MYT1: variants seen among roughly 807,000 people sequenced by gnomAD.
The protein encoded by MYT1 is myelin transcription factor 1.
Under a neutral mutation model 123.0 loss-of-function variants are expected in MYT1, and 23 were observed. The observed-to-expected ratio is 0.19, with a 90% confidence interval of 0.13 to 0.26. The LOEUF is 0.26. MYT1 is among the 10% of genes least tolerant of loss of function. The probability of loss-of-function intolerance (pLI) is 1.00; values close to 1 mark genes in which losing one functional copy is unlikely to be tolerated. For synonymous variants in MYT1, 518 were observed against 575.3 expected (o/e 0.90, Z 1.43); for missense variants, 1,125 against 1,472.5 (o/e 0.76, Z 3.86).
intron 14 of MYT1, among the ~76,000 whole-genome samples, chr20:64,222,696 T>A (rs565919530): frequency 6.6e-6 from 1 of 152,132 alleles, no homozygotes; most frequent in Non-Finnish European, 1.5e-5. Context: ...ATTTCTGGGG[T>A]CCCTCTTCTC....
At chr20:64,194,079 C>T (rs1412521381) in intron 2 of MYT1, among the ~76,000 whole-genome samples, 1 of 152,132 alleles carries the variant, frequency 6.6e-6, no homozygotes, top group Non-Finnish European at 1.5e-5. Context: ...CTGACTGTCC[C>T]CATTTATTCA....
rs1037648050 is a variant in MYT1, at chr20:64,203,879, C to A, written c.87-1156C>A. 2.0e-5 allele frequency among the ~76,000 whole-genome samples: 3 copies of A among 152,252 alleles called. No individual in the cohort carries two copies. The highest frequency in any genetic ancestry group is 7.2e-5 in the African/African-American group (3 of 41,466). On this transcript the variant is annotated intron_variant, in intron 4 of 22. Transcript: ENST00000328439. The surrounding 1 kb of genome is among the most constrained non-coding windows in gnomAD (Gnocchi z 5.1). ...TGGGGGCACCAGCCCTTACCTTCCT[C>A]CCTTCACAGGCTCCGGAAGATGTGC...
chr20:64,178,038 A>T (rs1452145265), intron 1 of MYT1, among the ~76,000 whole-genome samples: 2 of 152,162 alleles, frequency 1.3e-5, no homozygotes, highest in Non-Finnish European at 2.9e-5. Context: ...CCTGGGACAG[A>T]GGGAGGTGGA....
Position 64,167,694 on chromosome 20 carries a change from G to C in MYT1, c.-99+2955G>C, listed in dbSNP as rs1982123454. Among the ~76,000 whole-genome samples, 1 of 152,186 alleles carries C rather than the reference G, an allele frequency of 6.6e-6. No individual in the cohort carries two copies. The highest frequency in any genetic ancestry group is 2.4e-5 in the African/African-American group (1 of 41,446). On this transcript the variant is annotated intron_variant, in intron 1 of 22. Coordinates refer to ENST00000328439, the MANE Select transcript of MYT1 (RefSeq NM_004535.3). This position sits in a 1 kb window ranked among gnomAD's most constrained non-coding sequence, Gnocchi z 6.3. ...GAACCTGGGCGGGAGAGTGGAGCAGGGTGCCCGCAGGGGCTGGGGGGGCTC... is the reference window on the plus strand; with the variant it reads ...GAACCTGGGCGGGAGAGTGGAGCAGCGTGCCCGCAGGGGCTGGGGGGGCTC...
Position 64,218,854 on chromosome 20 carries a change from C to G in MYT1, c.1847-57C>G. On this transcript the variant is annotated intron_variant, in intron 11 of 22. Transcript: ENST00000328439. This position sits in a 1 kb window ranked among gnomAD's most constrained non-coding sequence, Gnocchi z 4.0. ...GCCAAACCTTTCCCAAAGGCCTCTTCCCCCAGGCACAGCCCCTCCAGTAGT... is the reference window on the plus strand; with the variant it reads ...GCCAAACCTTTCCCAAAGGCCTCTTGCCCCAGGCACAGCCCCTCCAGTAGT... 6.2e-7 allele frequency: 1 copy of G among 1,610,086 alleles called. No individual in the cohort carries two copies.
chr20:64,207,090 A>G (rs2983457), intron 6 of MYT1, among the ~76,000 whole-genome samples: 65,044 of 151,990 alleles, frequency 0.43, 14,509 homozygotes, highest in Middle Eastern at 0.49. Flanking sequence ...CGCCATGTTG[A>G]CCAGGCTGGT....
intron 22 of MYT1, 85 bp downstream of exon 22, chr20:64,239,988 C>T: frequency 6.4e-7 from 1 of 1,552,930 alleles, no homozygotes; most frequent in Non-Finnish European, 8.7e-7. Context: ...CTCCCACCCC[C>T]TCTGCCTCTG....
chr20:64,211,124 G>C, intron 7 of MYT1, 82 bp from the exon 8 acceptor site: 1 of 1,476,006 alleles, frequency 6.8e-7, no homozygotes, highest in Admixed American at 1.9e-5. Flanking sequence ...CAGCCAGAGA[G>C]AGGGTTCCTG....
intron 7 of MYT1, 39 bp from the exon 8 acceptor site, chr20:64,211,167 A>C: frequency 1.3e-6 from 2 of 1,589,480 alleles, no homozygotes; most frequent in South Asian, 2.3e-5. Context: ...CTCACCACCC[A>C]GCTTCCTGGC....
chr20:64,184,032 C>T (rs1228107407), intron 1 of MYT1, among the ~76,000 whole-genome samples: 1 of 152,144 alleles, frequency 6.6e-6, no homozygotes, highest in Non-Finnish European at 1.5e-5. Context: ...GCTGGCCAGG[C>T]TGGTCTCGAA....
chr20:64,210,745 A>G (rs1983642260), intron 7 of MYT1, among the ~76,000 whole-genome samples: 1 of 152,250 alleles, frequency 6.6e-6, no homozygotes, highest in Non-Finnish European at 1.5e-5. Context: ...ATTTGGGTTT[A>G]CATTTCTGCC....
Position 64,208,013 on chromosome 20 carries a change from G to A in MYT1, c.817G>A (p.Glu273Lys), listed in dbSNP as rs1165077147. The A allele has an allele frequency of 3.1e-6, 5 of 1,599,216 alleles. No individual in the cohort carries two copies. The highest frequency in any genetic ancestry group is 3.4e-6 in the Non-Finnish European group (4 of 1,173,502). The change falls in exon 7 of 23, where the codon GAG (glutamate) becomes AAG (lysine). Residue 273 changes from glutamate (E) to lysine (K), a missense_variant. Glu to Lys is a moderately conservative substitution (Grantham distance 56). This residue lies in a region of MYT1 where 406 missense variants were observed against 432.2 expected (regional missense o/e 0.94). Transcript: ENST00000328439. The surrounding 1 kb of genome is among the most constrained non-coding windows in gnomAD (Gnocchi z 5.4). ...EEEEEEEEEEEDEEEEEEEEE... is the reference protein window; with the variant it reads ...EEEEEEEEEEKDEEEEEEEEE... ...GGAGGAGGAGGAAGAGGAGGAGGAG[G>A]AGGATGAAGAAGAGGAAGAGGAAGA...
Position 64,223,273 on chromosome 20 carries a change from C to T in MYT1, c.2460-18C>T, listed in dbSNP as rs758758148. 3.1e-6 allele frequency: 5 copies of T among 1,613,976 alleles called. No homozygotes were observed. Among genetic ancestry groups the T allele is most frequent in the Non-Finnish European group, 4.2e-6 (5 of 1,179,958 alleles). ...TCCCTCTTTGGCTTACCCCAATATC[C>T]CATCTCTTCTCTTTCAGCCTCTCTG... On this transcript the variant is annotated intron_variant, in intron 15 of 22. Coordinates refer to ENST00000328439, the MANE Select transcript of MYT1 (RefSeq NM_004535.3).
Position 64,232,033 on chromosome 20 carries a change from C to T in MYT1, c.2676-131C>T. ...CCTGAGGCTCCAGGACCTCAGCGGC[C>T]CTCCCTGCCTCACTCAGAAGCCCTT... On this transcript the variant is annotated intron_variant, in intron 18 of 22. Coordinates refer to ENST00000328439, the MANE Select transcript of MYT1 (RefSeq NM_004535.3). The surrounding 1 kb of genome is among the most constrained non-coding windows in gnomAD (Gnocchi z 6.9). 9 of 865,608 alleles carry T rather than the reference C, an allele frequency of 1.0e-5. No homozygotes were observed. Among genetic ancestry groups the T allele is most frequent in the Non-Finnish European group, 1.6e-5 (9 of 562,236 alleles). The allele number at this position is 865,608 out of a possible 1,614,324, so 53.6% of individuals were successfully genotyped here.
chr20:64,227,935 C>T lies in MYT1; in HGVS notation c.2639C>T (p.Pro880Leu), dbSNP rs1373885178. 1 of 1,614,034 alleles carries T rather than the reference C, an allele frequency of 6.2e-7. No individual in the cohort carries two copies. The highest frequency in any genetic ancestry group is 2.2e-5 in the East Asian group (1 of 44,882). Residue 880 changes from proline to leucine, a missense_variant, in exon 18 of 23, where the codon CCC becomes CTC. By Grantham distance (98) the Pro-to-Leu change is moderately conservative. This residue lies in a region of MYT1 where 243 missense variants were observed against 323.1 expected (regional missense o/e 0.75). Coordinates refer to ENST00000328439, the MANE Select transcript of MYT1 (RefSeq NM_004535.3). ...RAKKSGVKVA[P>L]TKDDKEDPEL... ...AAGAAAAGTGGAGTCAAGGTGGCACCCACCAAGGACGACAAGGAGGACCCC... is the reference window on the plus strand; with the variant it reads ...AAGAAAAGTGGAGTCAAGGTGGCACTCACCAAGGACGACAAGGAGGACCCC...
intron 16 of MYT1, among the ~76,000 whole-genome samples, chr20:64,224,755 C>T (rs1452955895): frequency 3.9e-5 from 6 of 152,142 alleles, no homozygotes; most frequent in Non-Finnish European, 7.3e-5. Context: ...TTTTCCAATT[C>T]TGCTTTCTTT....
intron 2 of MYT1, among the ~76,000 whole-genome samples, chr20:64,197,423 G>C (rs548661764): frequency 6.6e-5 from 10 of 152,178 alleles, no homozygotes; most frequent in Non-Finnish European, 1.3e-4. Context: ...CCCTCCTGCT[G>C]CCTCTCTTCC....
chr20:64,223,089 A>G (rs771588444), intron 14 of MYT1, 22 bp from the exon 15 acceptor site: 3 of 1,613,970 alleles, frequency 1.9e-6, no homozygotes, highest in Non-Finnish European at 2.5e-6. Context: ...CTCCGGTCTG[A>G]CACTCTTTTT....
intron 13 of MYT1, among the ~76,000 whole-genome samples, chr20:64,221,080 G>A (rs1040771927): frequency 2.6e-5 from 4 of 152,224 alleles, no homozygotes; most frequent in African/African-American, 7.2e-5. Flanking sequence ...ATTATGCTGG[G>A]CTGTGGGCTT....
Sources: allele counts gnomAD v4.1 joint callset (sites outside exome capture counted in the v4.1 genomes callset), GRCh38; gene constraint gnomAD v4.1.1; regional missense constraint gnomAD v4.1.1; non-coding constraint Gnocchi (gnomAD v3.1); transcripts MANE v1.5; gene names NCBI Gene and HGNC (gene_info 2026-07-23, HGNC 2026-07-21).